Variants in DAB1 observed in about 807,000 individuals in gnomAD.
DAB1 encodes the protein disabled homolog 1.
In DAB1, 15 loss-of-function variants were observed where a neutral mutation model predicts 64.6. The ratio of observed to expected loss-of-function variants is 0.23; its 90% CI spans 0.16 to 0.36. The LOEUF is 0.36. Ranked by LOEUF, DAB1 falls within the 10% of genes least tolerant of loss-of-function variation. The probability of loss-of-function intolerance (pLI) is 1.00; values close to 1 mark genes in which losing one functional copy is unlikely to be tolerated. For missense variants in DAB1, 596 were observed against 706.7 expected, an observed-to-expected ratio of 0.84 and a Z score of 1.78; for synonymous variants, 235 against 251.9, an observed-to-expected ratio of 0.93 and a Z score of 0.64.
chr1:57,011,023 A>G, intron 13 of DAB1, 122 bp downstream of exon 13: 1 of 1,324,028 alleles, frequency 7.6e-7, no homozygotes, highest in Non-Finnish European at 1.0e-6. Flanking sequence ...CAACCCCTTG[A>G]GAACTTATGA....
At chr1:58,066,292 G>C (rs530995079) in intron 5 of DAB1, among the ~76,000 whole-genome samples, 4 of 152,318 alleles carry the variant, frequency 2.6e-5, no homozygotes, top group Non-Finnish European at 4.4e-5. Flanking sequence ...GCCAGGGGTA[G>C]GGGAAATCAT....
chr1:57,185,085 C>T (rs1408740856), intron 2 of DAB1, among the ~76,000 whole-genome samples: 2 of 152,082 alleles, frequency 1.3e-5, no homozygotes, highest in African/African-American at 4.8e-5. Context: ...CTTGCTCACC[C>T]CTGGGTCTTT....
intron 3 of DAB1, among the ~76,000 whole-genome samples, chr1:58,368,159 C>A (rs1644232850): frequency 6.6e-6 from 1 of 152,136 alleles, no homozygotes; most frequent in African/African-American, 2.4e-5. Flanking sequence ...AATGTACTTA[C>A]TGGGCTGGCA....
intron 6 of DAB1, among the ~76,000 whole-genome samples, chr1:57,669,735 C>A (rs927631937): frequency 6.6e-6 from 1 of 152,110 alleles, no homozygotes; most frequent in Non-Finnish European, 1.5e-5. Flanking sequence ...GTGATAGAAG[C>A]CTCCTTGGAG....
intron 2 of DAB1, among the ~76,000 whole-genome samples, chr1:57,209,994 T>C (rs1665876305): frequency 6.6e-6 from 1 of 152,246 alleles, no homozygotes; most frequent in African/African-American, 2.4e-5. Context: ...TTACAAACTG[T>C]GTGACCTTAC....
chr1:57,591,361 G>A (rs142009955), intron 7 of DAB1, among the ~76,000 whole-genome samples: 100 of 152,304 alleles, frequency 6.6e-4, no homozygotes, highest in African/African-American at 2.1e-3. Flanking sequence ...CATGTGAAAT[G>A]TTCAGAAAAT....
chr1:58,267,682 GTA>G (rs1440451516), intron 4 of DAB1, among the ~76,000 whole-genome samples: 1 of 152,142 alleles, frequency 6.6e-6, no homozygotes, highest in Admixed American at 6.5e-5. Context: ...GCGAACATCA[GTA>G]TATGTCAATC....
At chr1:57,453,564 C>T (rs1686470537) in intron 7 of DAB1, among the ~76,000 whole-genome samples, 1 of 152,176 alleles carries the variant, frequency 6.6e-6, no homozygotes, top group Non-Finnish European at 1.5e-5. Context: ...CTCCTAACTA[C>T]AGCTCCAAGT....
rs571407705 is a variant in DAB1 at position 57,806,721 on chromosome 1, C to T, written n.551+77278G>A. ...CCATCTACCTGGAATAGTCTTCCCC[C>T]AGTCGCCACATAGCATATTTCCTTA... On this transcript the variant is annotated intron_variant and non_coding_transcript_variant, in intron 6 of 20. Transcript: ENST00000485760. Among the ~76,000 whole-genome samples, 13 of 152,322 alleles carry T rather than the reference C, an allele frequency of 8.5e-5. No individual in the cohort carries two copies. The East Asian group carries it at 1.5e-3, about 18-fold the overall frequency.
chr1:57,034,152 C>T (rs1275849612), intron 9 of DAB1, among the ~76,000 whole-genome samples: 2 of 151,938 alleles, frequency 1.3e-5, no homozygotes, highest in Non-Finnish European at 1.5e-5. Context: ...TGATGGCAGG[C>T]GCCTGTAATC....
chr1:58,126,767 G>A (rs1412497324), intron 5 of DAB1, among the ~76,000 whole-genome samples: 1 of 151,890 alleles, frequency 6.6e-6, no homozygotes, highest in African/African-American at 2.4e-5. Flanking sequence ...TTGCATCCAT[G>A]TCCCTACAAA....
At chr1:57,892,505 A>C (rs763711434) in intron 5 of DAB1, among the ~76,000 whole-genome samples, 3 of 152,250 alleles carry the variant, frequency 2.0e-5, no homozygotes, top group Non-Finnish European at 4.4e-5. Flanking sequence ...TCAAGCAAGG[A>C]AACTGAAGCA....
At chr1:57,768,897 C>T (rs1265346016) in intron 6 of DAB1, among the ~76,000 whole-genome samples, 2 of 152,064 alleles carry the variant, frequency 1.3e-5, no homozygotes, top group African/African-American at 4.8e-5. Context: ...CATTTAAGAG[C>T]TCTTCATTAG....
intron 6 of DAB1, among the ~76,000 whole-genome samples, chr1:57,728,881 T>C (rs1647292681): frequency 6.6e-6 from 1 of 152,172 alleles, no homozygotes; most frequent in African/African-American, 2.4e-5. Context: ...AAGATTTCCA[T>C]GAGATGACGT....
At chr1:57,926,301 C>T (rs1455606426) in intron 5 of DAB1, among the ~76,000 whole-genome samples, 1 of 151,478 alleles carries the variant, frequency 6.6e-6, no homozygotes, top group Non-Finnish European at 1.5e-5. Flanking sequence ...TTTTATGATA[C>T]CCTTGAGAGT....
chr1:57,675,033 C>T (rs1194210717), intron 6 of DAB1, among the ~76,000 whole-genome samples: 2 of 152,182 alleles, frequency 1.3e-5, no homozygotes, highest in South Asian at 2.1e-4. Context: ...GCTGATGTAA[C>T]ATGCAACTTC....
intron 4 of DAB1, among the ~76,000 whole-genome samples, chr1:58,316,291 G>C (rs529288049): frequency 2.0e-5 from 3 of 152,284 alleles, no homozygotes; most frequent in East Asian, 3.9e-4. Context: ...AGACTGTCTG[G>C]GTCTGAATCT....
intron 6 of DAB1, among the ~76,000 whole-genome samples, chr1:57,694,538 C>T (rs948508967): frequency 2.0e-5 from 3 of 151,984 alleles, no homozygotes; most frequent in African/African-American, 7.3e-5. Flanking sequence ...CCCCCCTTCC[C>T]CTAAAAAAGA....
At chr1:57,704,179 G>T (rs967168413) in intron 6 of DAB1, among the ~76,000 whole-genome samples, 5 of 152,146 alleles carry the variant, frequency 3.3e-5, no homozygotes, top group African/African-American at 1.2e-4. Flanking sequence ...ATGTACTCCT[G>T]AACTTAAAAT....
Sources: gnomAD v4.1 joint callset for allele counts (sites outside exome capture counted in the v4.1 genomes callset) on GRCh38, gnomAD v4.1.1 for gene constraint, MANE v1.5 for transcripts, NCBI Gene and HGNC (gene_info 2026-07-23, HGNC 2026-07-21) for gene names.